Variants in COL14A1 observed in about 807,000 individuals in gnomAD.
COL14A1 encodes the protein collagen alpha-1(XIV) chain.
COL14A1 carries 136 observed loss-of-function variants against 230.3 expected under a neutral mutation model. The ratio of observed to expected loss-of-function variants is 0.59; its 90% CI spans 0.51 to 0.68. The LOEUF (loss-of-function observed/expected upper bound fraction) is 0.68. COL14A1 is among the 30% of genes least tolerant of loss of function. The pLI, the probability that COL14A1 is intolerant of heterozygous loss-of-function variation, is 0.00. For missense variants in COL14A1, 1,976 were observed against 2,215.8 expected, an observed-to-expected ratio of 0.89 and a Z score of 2.17; for synonymous variants, 792 against 784.1, an observed-to-expected ratio of 1.01 and a Z score of -0.17.
chr8:120,349,447 G>T (rs1329158525), intron 45 of COL14A1, among the ~76,000 whole-genome samples: 1 of 144,224 alleles, frequency 6.9e-6, no homozygotes, highest in African/African-American at 2.7e-5. Context: ...TGAGCTACGG[G>T]AGGACATTCA....
At chr8:120,370,257 C>T (rs1338632118) in intron 47 of COL14A1, 1 of 1,456,006 alleles carries the variant, frequency 6.9e-7, no homozygotes, top group Non-Finnish European at 9.5e-7. Context: ...AGGAATTGGT[C>T]AACAAAGTTT....
intron 32 of COL14A1, among the ~76,000 whole-genome samples, chr8:120,285,421 G>C (rs189442064): frequency 4.7e-4 from 60 of 128,454 alleles, no homozygotes; most frequent in African/African-American, 1.8e-3. Context: ...CCAAGATCAT[G>C]CCACTGCACT....
intron 5 of COL14A1, among the ~76,000 whole-genome samples, chr8:120,178,866 A>C (rs980680956): frequency 1.3e-5 from 2 of 151,958 alleles, no homozygotes; most frequent in Non-Finnish European, 2.9e-5. Context: ...TTGCCTGCAT[A>C]AATATATTCT....
chr8:120,186,954 A>T (rs901792184), intron 5 of COL14A1, among the ~76,000 whole-genome samples: 2 of 152,190 alleles, frequency 1.3e-5, no homozygotes, highest in African/African-American at 4.8e-5. Context: ...GCACAAAAAA[A>T]ATGTACAAAT....
At chr8:120,206,288 A>T (rs1328167500) in intron 9 of COL14A1, among the ~76,000 whole-genome samples, 1 of 152,220 alleles carries the variant, frequency 6.6e-6, no homozygotes, top group African/African-American at 2.4e-5. Context: ...GAGATAAAAA[A>T]AACTTCTTAA....
At chr8:120,296,326 A>C (rs748522279) in intron 34 of COL14A1, among the ~76,000 whole-genome samples, 17 of 152,000 alleles carry the variant, frequency 1.1e-4, no homozygotes, top group Non-Finnish European at 2.1e-4. Context: ...TGTTTGCAAT[A>C]AGGCATAATT....
chr8:120,372,286 C>T lies in COL14A1; in HGVS notation c.*1055C>T, dbSNP rs1455552972. ...AATCTAGCAGGCAGCAAAGACCCTG[C>T]AAATGCATGACCTCTGCTAAATAAA... On this transcript the variant is annotated 3_prime_UTR_variant, in exon 48 of 48. Transcript: ENST00000297848. Among the ~76,000 whole-genome samples the T allele has an allele frequency of 6.6e-6, 1 of 152,170 alleles. No individual in the cohort carries two copies. Among genetic ancestry groups the T allele is most frequent in the African/African-American group, 2.4e-5 (1 of 41,430 alleles).
chr8:120,300,131 C>A (rs1415652723), intron 35 of COL14A1, among the ~76,000 whole-genome samples: 1 of 151,984 alleles, frequency 6.6e-6, no homozygotes, highest in Non-Finnish European at 1.5e-5. Flanking sequence ...CACATGACAA[C>A]AATATTCCCT....
intron 2 of COL14A1, among the ~76,000 whole-genome samples, chr8:120,148,826 A>T (rs1376853761): frequency 1.3e-5 from 2 of 152,168 alleles, no homozygotes; most frequent in African/African-American, 4.8e-5. Context: ...CTGGGATGGG[A>T]ACTTTTATTT....
At chr8:120,249,684 C>G (rs1818879096) in intron 21 of COL14A1, among the ~76,000 whole-genome samples, 1 of 152,148 alleles carries the variant, frequency 6.6e-6, no homozygotes, top group Non-Finnish European at 1.5e-5. Context: ...CCTAAACATG[C>G]TACAATGGAC....
At position 120,145,053 on chromosome 8, in the gene COL14A1, A is replaced by T. The variant is rs149477382; in HGVS notation, c.-37-2753A>T. ...ATTAACATATAAAGAGTTATTGTAGATCAATAAGAAAATGGGTAAAAGTCA... is the reference window on the plus strand; with the variant it reads ...ATTAACATATAAAGAGTTATTGTAGTTCAATAAGAAAATGGGTAAAAGTCA... On this transcript the variant is annotated intron_variant, in intron 1 of 47. Transcript: ENST00000297848. Among the ~76,000 whole-genome samples the T allele has an allele frequency of 1.3e-4, 20 of 152,336 alleles. No homozygotes were observed. In the East Asian group the frequency reaches 3.9e-3, roughly 29 times the overall value.
At chr8:120,303,910 A>G (rs1681286411) in intron 36 of COL14A1, among the ~76,000 whole-genome samples, 2 of 152,068 alleles carry the variant, frequency 1.3e-5, no homozygotes, top group Non-Finnish European at 2.9e-5. Context: ...TATGGATTCA[A>G]TTTTAGACCT....
chr8:120,367,415 T>C (rs1823441390), intron 46 of COL14A1, among the ~76,000 whole-genome samples, 167 bp downstream of exon 46: 1 of 152,228 alleles, frequency 6.6e-6, no homozygotes, highest in Non-Finnish European at 1.5e-5. Flanking sequence ...CCTCCCAATA[T>C]ACAAGACCAA....
intron 20 of COL14A1, among the ~76,000 whole-genome samples, chr8:120,246,337 C>T (rs1207592574): frequency 2.0e-5 from 3 of 152,016 alleles, no homozygotes; most frequent in Admixed American, 2.0e-4. Context: ...CCTCAAGGGA[C>T]ATGAGGAAGG....
In COL14A1 at chr8:120,280,903, C is replaced by G; in HGVS notation, c.3686-18C>G. ...ATTCCTTATGTTTATTCTTTTTCTA[C>G]TTTTTTTTTTTTTTTAGGATTTAAG... is the stretch of plus-strand genomic sequence containing the variant. On this transcript the variant is annotated intron_variant, in intron 30 of 47. Transcript: ENST00000297848. The G allele has an allele frequency of 1.4e-6, 2 of 1,398,590 alleles. No homozygotes were observed. Among genetic ancestry groups the G allele is most frequent in the Non-Finnish European group, 1.9e-6 (2 of 1,036,664 alleles). 86.6% of individuals were successfully genotyped at this position (1,398,590 alleles called of 1,614,324 possible). A position where few individuals can be genotyped will look rare whatever the true frequency, so the allele number is the denominator to read the frequency against.
chr8:120,186,182 G>A (rs754356459), intron 5 of COL14A1, among the ~76,000 whole-genome samples: 5 of 152,154 alleles, frequency 3.3e-5, no homozygotes, highest in Admixed American at 6.6e-5. Flanking sequence ...AAAGTTTCTC[G>A]TTGAGTTTTT....
At position 120,168,222 on chromosome 8, in the gene COL14A1, T is replaced by C. The variant is rs1263414662; in HGVS notation, c.411T>C (p.Asn137=). Reference sequence around the variant, plus strand: ...GAGTCAAAGTTGTGGACAGAGGAAATGGGAGTAGACCATCTTCACCAGAAG... The same window carrying C: ...GAGTCAAAGTTGTGGACAGAGGAAACGGGAGTAGACCATCTTCACCAGAAG... ...KPRVKVVDRG[N]GSRPSSPEEV... Residue 137 remains asparagine (N), a synonymous_variant, in exon 5 of 48, where the codon AAT becomes AAC. Transcript: ENST00000297848. 3 of 1,612,018 alleles carry C rather than the reference T, an allele frequency of 1.9e-6. No homozygotes were observed. Among genetic ancestry groups the C allele is most frequent in the Admixed American group, 1.7e-5 (1 of 59,758 alleles).
At chr8:120,368,723 A>G (rs1823490008) in intron 46 of COL14A1, among the ~76,000 whole-genome samples, 1 of 152,080 alleles carries the variant, frequency 6.6e-6, no homozygotes, top group African/African-American at 2.4e-5. Context: ...GAAATTTTGG[A>G]TTAGTATATT....
chr8:120,358,588 G>T (rs1823071287), intron 45 of COL14A1, among the ~76,000 whole-genome samples: 1 of 151,404 alleles, frequency 6.6e-6, no homozygotes, highest in South Asian at 2.1e-4. Flanking sequence ...CTTTCAAGTC[G>T]TCATCGTGTA....
Sources: allele counts gnomAD v4.1 joint callset (sites outside exome capture counted in the v4.1 genomes callset), GRCh38; gene constraint gnomAD v4.1.1; transcripts MANE v1.5; gene names NCBI Gene and HGNC (gene_info 2026-07-23, HGNC 2026-07-21).